Variants in BCHE observed in about 807,000 individuals in gnomAD.
BCHE encodes butyrylcholinesterase, also known as cholinesterase.
In BCHE, 48 loss-of-function variants were observed where a neutral mutation model predicts 51.3. The ratio of observed to expected loss-of-function variants is 0.94; its 90% CI spans 0.74 to 1.19. The LOEUF (loss-of-function observed/expected upper bound fraction) is 1.19, where lower values mean the gene tolerates loss of function less well. BCHE is among the 50% of genes most tolerant of loss of function. BCHE has a pLI of 0.00. For missense variants in BCHE, 847 were observed against 708.2 expected (o/e 1.20, Z -2.23); for synonymous variants, 251 against 238.0 (o/e 1.05, Z -0.50).
At chr3:165,793,095 C>T (rs1713234758) in intron 2 of BCHE, among the ~76,000 whole-genome samples, 1 of 152,152 alleles carries the variant, frequency 6.6e-6, no homozygotes, top group Non-Finnish European at 1.5e-5. Flanking sequence ...GCCATAACAT[C>T]TTTGCCTACA....
intron 3 of BCHE, among the ~76,000 whole-genome samples, chr3:165,775,880 G>A (rs1002835918): frequency 2.6e-5 from 4 of 151,932 alleles, no homozygotes; most frequent in African/African-American, 9.7e-5. Context: ...TGAGTTTGAA[G>A]TAAATCAAAA....
At chr3:165,781,937 A>G (rs1000587006) in intron 3 of BCHE, among the ~76,000 whole-genome samples, 4 of 152,316 alleles carry the variant, frequency 2.6e-5, no homozygotes, top group East Asian at 3.9e-4. Context: ...GTGAATTTGT[A>G]TGATACAATA....
intron 2 of BCHE, among the ~76,000 whole-genome samples, chr3:165,797,638 A>G (rs1314428028): frequency 6.6e-6 from 1 of 152,028 alleles, no homozygotes; most frequent in African/African-American, 2.4e-5. Context: ...TTAATTATAG[A>G]TAAGAAAATA....
intron 3 of BCHE, among the ~76,000 whole-genome samples, chr3:165,774,537 T>C (rs961936183): frequency 8.6e-5 from 13 of 151,958 alleles, no homozygotes. Context: ...GGTTTCACCA[T>C]GTTGGTTGGC....
At chr3:165,796,074 T>A (rs190048673) in intron 2 of BCHE, among the ~76,000 whole-genome samples, 17 of 152,120 alleles carry the variant, frequency 1.1e-4, no homozygotes, top group African/African-American at 4.1e-4. Flanking sequence ...AAAGAAGACT[T>A]ATTTTCATCC....
chr3:165,777,745 C>T (rs1712527878), intron 3 of BCHE: 1 of 447,436 alleles, frequency 2.2e-6, no homozygotes. Flanking sequence ...CTCTGTCAAT[C>T]CAGAGACAGC....
Position 165,830,997 on chromosome 3 carries a change from G to C in BCHE, c.37C>G (p.Leu13Val), listed in dbSNP as rs372942772. The C allele has an allele frequency of 6.2e-7, 1 of 1,613,300 alleles. No homozygotes were observed. Among genetic ancestry groups the C allele is most frequent in the African/African-American group, 1.3e-5 (1 of 74,896 alleles). The change falls in exon 2 of 4, where the codon CTC (leucine) becomes GTC (valine). Residue 13 changes from leucine to valine, a missense_variant. Coordinates refer to ENST00000264381, the MANE Select transcript of BCHE (RefSeq NM_000055.4). ...SKVTIICIRF[L>V]FWFLLLCMLI... ...ATGCAGAGCAAAAGAAACCAAAAGA[G>C]AAATCTGATGCATATGATTGTGACT...
At chr3:165,797,424 A>T (rs773549989) in intron 2 of BCHE, among the ~76,000 whole-genome samples, 32 of 142,704 alleles carry the variant, frequency 2.2e-4, no homozygotes, top group Admixed American at 1.6e-3. Flanking sequence ...GTGCATCCAG[A>T]TGTCTTCCCT....
intron 3 of BCHE, chr3:165,777,847 C>T: frequency 2.4e-6 from 1 of 419,196 alleles, no homozygotes; most frequent in East Asian, 7.6e-5. Context: ...GATCAACTTC[C>T]ACTCAATAAG....
At chr3:165,791,834 G>A (rs1713180256) in intron 2 of BCHE, among the ~76,000 whole-genome samples, 1 of 152,074 alleles carries the variant, frequency 6.6e-6, no homozygotes, top group Admixed American at 6.5e-5. Flanking sequence ...TGTGATCCCA[G>A]CTACTCGGGA....
At chr3:165,787,138 A>C (rs994133001) in intron 2 of BCHE, among the ~76,000 whole-genome samples, 1 of 151,664 alleles carries the variant, frequency 6.6e-6, no homozygotes, top group African/African-American at 2.4e-5. Context: ...GATATTTCCC[A>C]TGCTTATAGT....
rs139590115 is a variant in BCHE, at chr3:165,791,713, G to A, written c.1518-5402C>T. 1.7e-3 allele frequency among the ~76,000 whole-genome samples: 254 copies of A among 152,256 alleles called. 1 individual carries two copies. The highest frequency in any genetic ancestry group is 5.8e-3 in the African/African-American group (242 of 41,560). ...CACGCTTGTAATCCCATCACTTTGGGAGGCCAAGGCAGGCGGATCACTTGA... is the reference window on the plus strand; with the variant it reads ...CACGCTTGTAATCCCATCACTTTGGAAGGCCAAGGCAGGCGGATCACTTGA... On this transcript the variant is annotated intron_variant, in intron 2 of 3. Coordinates refer to ENST00000264381, the MANE Select transcript of BCHE (RefSeq NM_000055.4).
intron 1 of BCHE, among the ~76,000 whole-genome samples, chr3:165,832,177 A>G (rs1339974074): frequency 6.6e-6 from 1 of 152,196 alleles, no homozygotes; most frequent in Non-Finnish European, 1.5e-5. Flanking sequence ...TCTAAGTTTT[A>G]TCAGAAATTC....
intron 2 of BCHE, among the ~76,000 whole-genome samples, chr3:165,797,471 A>G (rs1243865905): frequency 6.7e-6 from 1 of 150,058 alleles, no homozygotes; most frequent in African/African-American, 2.5e-5. Flanking sequence ...GTTTGTACCC[A>G]TTTTCATCTT....
rs1284239509 is a variant in BCHE, at chr3:165,773,336, C to T, written c.*46G>A. 2 of 1,565,956 alleles carry T rather than the reference C, an allele frequency of 1.3e-6. No individual in the cohort carries two copies. Among genetic ancestry groups the T allele is most frequent in the African/African-American group, 1.4e-5 (1 of 73,482 alleles). ...TGTAAAAAAGCTCCTGATATTTTTG[C>T]CTTGATCTAAAGGAAAATATGTTCT... On this transcript the variant is annotated 3_prime_UTR_variant, in exon 4 of 4. Transcript: ENST00000264381.
At chr3:165,783,559 T>C (rs1352198208) in intron 3 of BCHE, among the ~76,000 whole-genome samples, 1 of 152,062 alleles carries the variant, frequency 6.6e-6, no homozygotes, top group Non-Finnish European at 1.5e-5. Context: ...AGTAACCAGT[T>C]CAAAGGGTAT....
chr3:165,789,720 TG>T (rs1713096819), intron 2 of BCHE, among the ~76,000 whole-genome samples: 1 of 152,112 alleles, frequency 6.6e-6, no homozygotes, highest in Admixed American at 6.6e-5. Flanking sequence ...AATTTTAAAA[TG>T]TTAAAATATT....
intron 3 of BCHE, among the ~76,000 whole-genome samples, chr3:165,776,468 ATATTTTT>A (rs1340136105): frequency 1.3e-5 from 2 of 151,920 alleles, no homozygotes; most frequent in Non-Finnish European, 2.9e-5. Flanking sequence ...CTAAGTGTAA[ATATTTTT>A]TATGAGAAAG....
intron 2 of BCHE, among the ~76,000 whole-genome samples, chr3:165,816,392 T>TC (rs891635538): frequency 1.3e-5 from 2 of 151,946 alleles, no homozygotes; most frequent in African/African-American, 4.8e-5. Context: ...GTTGCAATAT[T>TC]CCCCATGAAA....
Sources: gnomAD v4.1 joint callset for allele counts (sites outside exome capture counted in the v4.1 genomes callset) on GRCh38, gnomAD v4.1.1 for gene constraint, MANE v1.5 for transcripts, NCBI Gene and HGNC (gene_info 2026-07-23, HGNC 2026-07-21) for gene names.